The following JAK1 variants were observed in gnomAD, a reference collection of about 807,000 sequenced individuals.
JAK1 encodes the protein tyrosine-protein kinase JAK1.
In JAK1, 16 loss-of-function variants were observed where a neutral mutation model predicts 136.6. The observed-to-expected ratio is 0.12, with a 90% CI of 0.08 to 0.18. The LOEUF is 0.18. JAK1 is among the 10% of genes least tolerant of loss of function. The pLI, the probability that JAK1 is intolerant of heterozygous loss-of-function variation, is 1.00. For synonymous variants in JAK1, 492 were observed against 519.5 expected (o/e 0.95, Z 0.72); for missense variants, 859 against 1,450.1 (o/e 0.59, Z 6.62).
intron 2 of JAK1, chr1:64,991,505 T>A (rs1223654110): frequency 6.6e-6 from 1 of 152,254 alleles, no homozygotes; most frequent in Non-Finnish European, 1.5e-5. Context: ...AATCTAATTG[T>A]CTCAAACTAA....
intron 4 of JAK1, 61 bp downstream of exon 4, chr1:64,878,964 C>T (rs1055469237): frequency 6.4e-7 from 1 of 1,560,458 alleles, no homozygotes; most frequent in African/African-American, 1.4e-5. Flanking sequence ...GGGCTCCAGG[C>T]TGACCACTGT....
rs551960401 is a variant in JAK1, at chr1:64,907,533, A to G, written c.-77-21192T>C. On this transcript the variant is annotated intron_variant, in intron 1 of 24. Coordinates refer to ENST00000342505, the MANE Select transcript of JAK1 (RefSeq NM_002227.4). The stretch of plus-strand genomic sequence containing the variant: ...CGGGGAACATCACACACTGGGGCCA[A>G]TTGGAGGGTGAAGGGTGGGAGGAGG... Among the ~76,000 whole-genome samples the G allele has an allele frequency of 3.3e-5, 5 of 152,282 alleles. No individual in the cohort carries two copies. In the East Asian group the frequency reaches 5.8e-4, roughly 18 times the overall value.
chr1:64,884,578 T>C (rs574186025), intron 2 of JAK1, among the ~76,000 whole-genome samples: 2 of 152,296 alleles, frequency 1.3e-5, no homozygotes, highest in South Asian at 4.1e-4. Context: ...TCTTGCTTCA[T>C]GCTTGAAACC....
At chr1:64,931,522 G>A (rs1286214265) in intron 1 of JAK1, among the ~76,000 whole-genome samples, 3 of 151,850 alleles carry the variant, frequency 2.0e-5, no homozygotes, top group Non-Finnish European at 4.4e-5. Context: ...AGCATGGTGG[G>A]TGTCCTACCA....
At chr1:65,049,090 C>T (rs1647219228) in intron 1 of JAK1, among the ~76,000 whole-genome samples, 1 of 152,140 alleles carries the variant, frequency 6.6e-6, no homozygotes, top group Non-Finnish European at 1.5e-5. Context: ...ACAATCTGCC[C>T]CTTCCAGGGG....
chr1:64,860,826 C>CTGTG (rs72032330), intron 8 of JAK1, among the ~76,000 whole-genome samples: 12,970 of 118,030 alleles, frequency 0.11, 962 homozygotes, highest in East Asian at 0.25. Flanking sequence ...TCAGATGACT[C>CTGTG]TGTGTGTGTG....
At chr1:64,887,321 G>A (rs1644867108) in intron 1 of JAK1, among the ~76,000 whole-genome samples, 1 of 152,136 alleles carries the variant, frequency 6.6e-6, no homozygotes, top group African/African-American at 2.4e-5. Flanking sequence ...ATTTTAACAA[G>A]ATTAAAATCA....
At chr1:65,051,181 CA>C (rs1647273510) in intron 1 of JAK1, among the ~76,000 whole-genome samples, 1 of 89,566 alleles carries the variant, frequency 1.1e-5, no homozygotes, top group Non-Finnish European at 2.7e-5. Flanking sequence ...ATAGGTATGT[CA>C]GGTTTTTTTT....
At chr1:64,900,854 C>T (rs971282801) in intron 1 of JAK1, among the ~76,000 whole-genome samples, 24 of 152,298 alleles carry the variant, frequency 1.6e-4, no homozygotes, top group African/African-American at 4.6e-4. Context: ...GAACTCCAAA[C>T]GTACTGAGTT....
intron 2 of JAK1, among the ~76,000 whole-genome samples, chr1:65,027,807 C>A (rs1467654864): frequency 6.6e-6 from 1 of 152,182 alleles, no homozygotes. Flanking sequence ...CCCTGCCATG[C>A]TCAGTCATTG....
At chr1:64,992,568 A>G (rs1646666834) in intron 2 of JAK1, 1 of 151,968 alleles carries the variant, frequency 6.6e-6, no homozygotes, top group Non-Finnish European at 1.5e-5. Context: ...CTGTTCCCCA[A>G]GTGTCAGGCC....
intron 12 of JAK1, among the ~76,000 whole-genome samples, chr1:64,848,429 C>T (rs1655381175): frequency 6.6e-6 from 1 of 152,192 alleles, no homozygotes; most frequent in African/African-American, 2.4e-5. Context: ...CAAAGTACAC[C>T]TGCATTTGCC....
intron 2 of JAK1, among the ~76,000 whole-genome samples, chr1:65,025,299 A>G (rs1175237763): frequency 6.6e-6 from 1 of 152,190 alleles, no homozygotes; most frequent in Non-Finnish European, 1.5e-5. Context: ...CGAAACATGG[A>G]TTCCAAGTCG....
intron 1 of JAK1, among the ~76,000 whole-genome samples, chr1:64,921,602 C>A (rs1645494833): frequency 6.6e-6 from 1 of 152,116 alleles, no homozygotes. Context: ...AGTGGCTGAA[C>A]TGAGACAAGC....
chr1:64,961,042 T>C (rs752610911), intron 1 of JAK1, among the ~76,000 whole-genome samples: 3 of 152,196 alleles, frequency 2.0e-5, no homozygotes, highest in Non-Finnish European at 4.4e-5. Context: ...ACTTCTAAGA[T>C]AAAAATTAAC....
intron 1 of JAK1, among the ~76,000 whole-genome samples, chr1:64,893,545 T>C (rs1234055337): frequency 6.6e-6 from 1 of 152,220 alleles, no homozygotes; most frequent in African/African-American, 2.4e-5. Flanking sequence ...GTTGAGTTTG[T>C]TTCCTCAGAA....
chr1:64,887,895 A>C (rs1011348366), intron 1 of JAK1, among the ~76,000 whole-genome samples: 11 of 152,278 alleles, frequency 7.2e-5, no homozygotes, highest in African/African-American at 7.2e-5. Context: ...TCCTTTTTAC[A>C]CTTGGGCACC....
chr1:65,006,799 T>C (rs1444490955), intron 2 of JAK1, among the ~76,000 whole-genome samples: 2 of 152,226 alleles, frequency 1.3e-5, no homozygotes, highest in African/African-American at 4.8e-5. Context: ...TATTTTATCT[T>C]CATAATATTT....
chr1:64,848,040 G>C (rs1472537497), intron 12 of JAK1: 3 of 194,802 alleles, frequency 1.5e-5, no homozygotes, highest in Non-Finnish European at 3.1e-5. Context: ...AGACTCAAGA[G>C]AGGAGCCCCC....
Sources: gnomAD v4.1 joint callset for allele counts (sites outside exome capture counted in the v4.1 genomes callset) on GRCh38, gnomAD v4.1.1 for gene constraint, MANE v1.5 for transcripts, NCBI Gene and HGNC (gene_info 2026-07-23, HGNC 2026-07-21) for gene names.